The following CCL17 variants were observed in gnomAD, a reference collection of about 807,000 sequenced individuals.
CCL17 encodes the protein C-C motif chemokine 17.
Under a neutral mutation model 7.4 loss-of-function variants are expected in CCL17, and 8 were observed. The ratio of observed to expected loss-of-function variants is 1.09; its 90% confidence interval spans 0.64 to 1.96. CCL17 has a LOEUF of 1.96. Among genes scored for constraint, CCL17 ranks in the 30% most tolerant of loss-of-function variants. The pLI is 0.00. For missense variants in CCL17, 102 were observed against 113.0 expected, an observed-to-expected ratio of 0.90 and a Z score of 0.44; for synonymous variants, 40 against 46.1, an observed-to-expected ratio of 0.87 and a Z score of 0.54.
At chr16:57,401,517 C>G (rs1324261512), upstream of CCL17, among the ~76,000 whole-genome samples, 3 of 145,984 alleles carry the variant, frequency 2.1e-5, no homozygotes, top group Non-Finnish European at 4.5e-5. Flanking sequence ...GAGCAAGACT[C>G]TGTCTGGAAA....
chr16:57,408,865 C>T (rs375860973), intron 1 of CCL17, among the ~76,000 whole-genome samples: 44 of 152,110 alleles, frequency 2.9e-4, no homozygotes, highest in African/African-American at 7.5e-4. Context: ...TGAGCCACTG[C>T]GCCTGGTCAT....
chr16:57,400,176 G>C (rs141395769), upstream of CCL17, among the ~76,000 whole-genome samples: 1 of 152,052 alleles, frequency 6.6e-6, no homozygotes, highest in Non-Finnish European at 1.5e-5. Flanking sequence ...TGGCTAACGC[G>C]GTGAAACCCT....
chr16:57,409,259 G>A (rs62037108), intron 1 of CCL17, among the ~76,000 whole-genome samples: 10,423 of 152,242 alleles, frequency 0.068, 568 homozygotes, highest in African/African-American at 0.15. Context: ...GAAGTGAGAC[G>A]GGGGAACAGG....
upstream of CCL17, among the ~76,000 whole-genome samples, chr16:57,403,850 T>C (rs1259739825): frequency 6.7e-6 from 1 of 149,686 alleles, no homozygotes; most frequent in Non-Finnish European, 1.5e-5. Flanking sequence ...AGAGATGGGA[T>C]TTCACCATGT....
In CCL17 at chr16:57,415,272, C is replaced by T. The variant is rs572036612; in HGVS notation, c.188+74C>T. ...CAAGTGCACCCTGGAGCTCCCAGGA[C>T]GGCCAATGGGGAGCAGGGAAGAGAC... On this transcript the variant is annotated intron_variant, in intron 3 of 3. Coordinates refer to ENST00000219244, the MANE Select transcript of CCL17 (RefSeq NM_002987.3). The surrounding 1 kb of genome is among the most constrained non-coding windows in gnomAD (Gnocchi z 4.5). 31 of 986,812 alleles carry T rather than the reference C, an allele frequency of 3.1e-5. No homozygotes were observed. The highest frequency in any genetic ancestry group is 1.4e-4 in the African/African-American group (9 of 63,054). The allele number at this position is 986,812 out of a possible 1,614,324, so 61.1% of individuals were successfully genotyped here. A position where few individuals can be genotyped will look rare whatever the true frequency, so the allele number is the denominator to read the frequency against.
chr16:57,403,649 A>C (rs1203358050), upstream of CCL17, among the ~76,000 whole-genome samples: 1 of 89,012 alleles, frequency 1.1e-5, no homozygotes, highest in African/African-American at 4.5e-5. Flanking sequence ...ATAAATATAT[A>C]TAATATATAT....
At chr16:57,396,915 G>A in the CCL17 span, among the ~76,000 whole-genome samples, 2 of 152,180 alleles carry the variant, frequency 1.3e-5, no homozygotes, top group African/African-American at 4.8e-5. Flanking sequence ...TTGTGTAATA[G>A]GTTAGGTTGG....
chr16:57,403,585 A>T (rs188510535), upstream of CCL17, among the ~76,000 whole-genome samples: 630 of 48,548 alleles, frequency 0.013, 8 homozygotes, highest in African/African-American at 0.015. Context: ...TAATATATAT[A>T]ATATATATTT....
At chr16:57,401,039 A>T (rs1902584234), upstream of CCL17, among the ~76,000 whole-genome samples, 1 of 143,594 alleles carries the variant, frequency 7.0e-6, no homozygotes, top group Non-Finnish European at 1.5e-5. Flanking sequence ...CTCACTCCAG[A>T]CACCCTTCTT....
chr16:57,399,830 CTGTCACA>C (rs1439534535), upstream of CCL17, among the ~76,000 whole-genome samples: 1 of 152,188 alleles, frequency 6.6e-6, no homozygotes, highest in African/African-American at 2.4e-5. Context: ...ATTGTCATCC[CTGTCACA>C]GCTCAAAGAT....
At chr16:57,403,477 A>G (rs1902635857), upstream of CCL17, among the ~76,000 whole-genome samples, 2 of 2,164 alleles carry the variant, frequency 9.2e-4, 1 homozygote, top group African/African-American at 1.8e-3. Context: ...TATTATATAT[A>G]TTATATAATA....
At chr16:57,407,118 G>C (rs1252835110) in intron 1 of CCL17, among the ~76,000 whole-genome samples, 6 of 152,194 alleles carry the variant, frequency 3.9e-5, no homozygotes, top group Non-Finnish European at 8.8e-5. Flanking sequence ...GGCAGCATGC[G>C]AGGGTGTTGA....
At chr16:57,411,766 C>T (rs1482631333) in intron 1 of CCL17, among the ~76,000 whole-genome samples, 1 of 152,236 alleles carries the variant, frequency 6.6e-6, no homozygotes, top group Admixed American at 6.5e-5. Flanking sequence ...CCTCTGGGCT[C>T]AGGCTCTGTC....
chr16:57,414,457 C>T (rs1327396279), intron 2 of CCL17, among the ~76,000 whole-genome samples: 2 of 109,412 alleles, frequency 1.8e-5, no homozygotes, highest in Admixed American at 1.5e-4. Context: ...CTTGCGCTGT[C>T]GCCCAGGCTG....
chr16:57,414,679 G>A (rs1453700917), intron 2 of CCL17, among the ~76,000 whole-genome samples: 4 of 152,130 alleles, frequency 2.6e-5, no homozygotes, highest in African/African-American at 9.7e-5. Flanking sequence ...TTACAGGCAT[G>A]AGCCACGGCG....
chr16:57,415,124 C>G lies in CCL17; in HGVS notation c.114C>G (p.Phe38Leu). Residue 38 changes from phenylalanine (F) to leucine (L), a missense_variant, in exon 3 of 4, where the codon TTC becomes TTG. Phe to Leu is a conservative substitution (Grantham distance 22). Coordinates refer to ENST00000219244, the MANE Select transcript of CCL17 (RefSeq NM_002987.3). This position sits in a 1 kb window ranked among gnomAD's most constrained non-coding sequence, Gnocchi z 4.5. The part of the protein sequence containing the change: ...NVGRECCLEY[F>L]KGAIPLRKLK... ...GCCGGGAGTGCTGCCTGGAGTACTT[C>G]AAGGGAGCCATTCCCCTTAGAAAGC... 1.9e-6 allele frequency: 3 copies of G among 1,614,028 alleles called. No homozygotes were observed. Among genetic ancestry groups the G allele is most frequent in the Middle Eastern group, 1.7e-4 (1 of 6,060 alleles).
At chr16:57,408,490 C>T (rs1474953305) in intron 1 of CCL17, among the ~76,000 whole-genome samples, 1 of 152,180 alleles carries the variant, frequency 6.6e-6, no homozygotes. Flanking sequence ...TGGCTCACTG[C>T]AGCCTCAACT....
At chr16:57,399,160 G>T in the CCL17 span, among the ~76,000 whole-genome samples, 2 of 152,174 alleles carry the variant, frequency 1.3e-5, no homozygotes, top group Admixed American at 6.5e-5. Flanking sequence ...CTGAGTGCCA[G>T]AGCTTCTGCC....
the CCL17 span, among the ~76,000 whole-genome samples, chr16:57,396,450 G>A: frequency 3.3e-5 from 5 of 152,308 alleles, no homozygotes; most frequent in East Asian, 5.8e-4. Context: ...GGAAAGGAGT[G>A]TTGGGAGCAA....
Sources: allele counts gnomAD v4.1 joint callset (sites outside exome capture counted in the v4.1 genomes callset), GRCh38; gene constraint gnomAD v4.1.1; non-coding constraint Gnocchi (gnomAD v3.1); transcripts MANE v1.5; gene names NCBI Gene and HGNC (gene_info 2026-07-23, HGNC 2026-07-21).